MYOM3: variants seen among roughly 807,000 people sequenced by gnomAD.
The protein encoded by MYOM3 is myomesin 3.
A neutral mutation model predicts 191.7 loss-of-function variants in MYOM3; 155 were observed. The observed-to-expected ratio is 0.81, with a 90% CI of 0.71 to 0.92. The LOEUF (loss-of-function observed/expected upper bound fraction) is 0.92, where lower values mean the gene tolerates loss of function less well. Ranked by LOEUF, MYOM3 falls within the 40% of genes least tolerant of loss-of-function variation. The pLI, the probability that MYOM3 is intolerant of heterozygous loss-of-function variation, is 0.00. For synonymous variants in MYOM3, 757 were observed against 762.9 expected, an observed-to-expected ratio of 0.99 and a Z score of 0.13; for missense variants, 1,889 against 1,890.6, an observed-to-expected ratio of 1.00 and a Z score of 0.02.
chr1:24,093,858 G>A (rs750285724), intron 9 of MYOM3, among the ~76,000 whole-genome samples: 10 of 152,132 alleles, frequency 6.6e-5, no homozygotes, highest in Non-Finnish European at 1.3e-4. Flanking sequence ...AGCTGGGGGT[G>A]CCAGAGGGGC....
At chr1:24,065,401 G>A (rs758899808) in intron 29 of MYOM3, among the ~76,000 whole-genome samples, 1 of 152,154 alleles carries the variant, frequency 6.6e-6, no homozygotes, top group African/African-American at 2.4e-5. Context: ...GGAGGACTTG[G>A]GGGGAGAATT....
At position 24,063,571 on chromosome 1, in the gene MYOM3, C is replaced by G. The variant is rs772911127; in HGVS notation, c.3623-41G>C. 2.5e-6 allele frequency: 4 copies of G among 1,612,580 alleles called. No individual in the cohort carries two copies. Among genetic ancestry groups the G allele is most frequent in the South Asian group, 2.2e-5 (2 of 90,988 alleles). On this transcript the variant is annotated intron_variant, in intron 30 of 36. Coordinates refer to ENST00000374434, the MANE Select transcript of MYOM3 (RefSeq NM_152372.4). The surrounding 1 kb of genome is among the most constrained non-coding windows in gnomAD (Gnocchi z 4.5). ...GAGAAGGGTTAGCTGGCATAGGGCT[C>G]CCCTAGGGATGTGCTAGGAGTGGGG...
At chr1:24,099,630 G>C in intron 6 of MYOM3, 50 bp downstream of exon 6, 2 of 1,442,052 alleles carry the variant, frequency 1.4e-6, no homozygotes, top group African/African-American at 2.8e-5. Context: ...CTCTGGCCTC[G>C]GCGGTGGCAG....
At chr1:24,086,137 C>T (rs1643735519) in intron 15 of MYOM3, among the ~76,000 whole-genome samples, 1 of 152,044 alleles carries the variant, frequency 6.6e-6, no homozygotes, top group South Asian at 2.1e-4. Context: ...GTGATGGGGC[C>T]CTTTAGAACA....
At chr1:24,059,002 C>T (rs774075944) in intron 35 of MYOM3, 23 bp from the exon 36 acceptor site, 7 of 1,591,674 alleles carry the variant, frequency 4.4e-6, no homozygotes, top group South Asian at 2.2e-5. Flanking sequence ...TAAGAGACCC[C>T]AGCGATGAAT....
At position 24,075,370 on chromosome 1, in the gene MYOM3, T is replaced by C. The variant is rs780965814; in HGVS notation, c.2807A>G (p.Tyr936Cys). ...CCTCTGGGGGTCCAGTGGGCCCTTG[T>C]AGTCTTTGGACCACTGAAACTCTGA... The part of the protein sequence containing the change: ...DSSEFQWSKD[Y>C]KGPLDPQRVK... The change falls in exon 22 of 37, where the codon TAC becomes TGC. Residue 936 changes from tyrosine (Y) to cysteine (C), a missense_variant. Coordinates refer to ENST00000374434, the MANE Select transcript of MYOM3 (RefSeq NM_152372.4). 29 of 1,612,896 alleles carry C rather than the reference T, an allele frequency of 1.8e-5. No homozygotes were observed. Among genetic ancestry groups the C allele is most frequent in the Non-Finnish European group, 2.5e-5 (29 of 1,179,854 alleles).
At chr1:24,097,618 T>C (rs1643885422) in intron 7 of MYOM3, among the ~76,000 whole-genome samples, 1 of 152,190 alleles carries the variant, frequency 6.6e-6, no homozygotes, top group African/African-American at 2.4e-5. Context: ...TGGCACACAG[T>C]GAAGACTCAG....
intron 5 of MYOM3, among the ~76,000 whole-genome samples, chr1:24,103,990 C>G (rs993278571): frequency 2.6e-5 from 4 of 152,310 alleles, no homozygotes; most frequent in Middle Eastern, 3.4e-3. Flanking sequence ...CTCTCCTACC[C>G]TCTAGGCCAG....
chr1:24,060,971 G>A (rs1435132939), intron 35 of MYOM3, 89 bp downstream of exon 35: 5 of 1,467,176 alleles, frequency 3.4e-6, no homozygotes, highest in Non-Finnish European at 3.8e-6. Flanking sequence ...GTGGAATGAG[G>A]CCTTCAGCAG....
intron 28 of MYOM3, 176 bp downstream of exon 28, chr1:24,066,845 G>A (rs1435092803): frequency 3.5e-6 from 2 of 574,582 alleles, no homozygotes; most frequent in African/African-American, 3.8e-5. Flanking sequence ...CTGGGAAGGT[G>A]GGTTTGCTTT....
At chr1:24,083,536 T>C (rs1475200288) in intron 16 of MYOM3, 2 of 152,256 alleles carry the variant, frequency 1.3e-5, no homozygotes, top group African/African-American at 4.8e-5. Context: ...TGTGAGTCAA[T>C]AGTCCTTAAT....
chr1:24,085,953 G>A (rs1460923170), intron 15 of MYOM3, among the ~76,000 whole-genome samples: 5 of 152,130 alleles, frequency 3.3e-5, no homozygotes, highest in Non-Finnish European at 7.3e-5. Flanking sequence ...TCTTGCATAG[G>A]TGGTACTGTA....
At chr1:24,079,758 T>C (rs1377500696) in intron 20 of MYOM3, among the ~76,000 whole-genome samples, 1 of 152,198 alleles carries the variant, frequency 6.6e-6, no homozygotes, top group East Asian at 1.9e-4. Context: ...GGGATATACA[T>C]GTGCAAATGC....
chr1:24,065,434 T>G (rs905044844), intron 29 of MYOM3, among the ~76,000 whole-genome samples: 1 of 152,216 alleles, frequency 6.6e-6, no homozygotes, highest in African/African-American at 2.4e-5. Context: ...TGCTTTATTC[T>G]GCCCAGATCT....
At chr1:24,094,333 G>A (rs1643867423) in intron 9 of MYOM3, among the ~76,000 whole-genome samples, 1 of 151,932 alleles carries the variant, frequency 6.6e-6, no homozygotes, top group Non-Finnish European at 1.5e-5. Flanking sequence ...AACATGCCTG[G>A]CTAATTTTTG....
rs147449312 is a variant in MYOM3, at chr1:24,097,502, A to G, written c.745+421T>C. The stretch of plus-strand genomic sequence containing the variant: ...GCTAATTCATCCATTCAGTTCACAC[A>G]AAGGTGCCCACCATGCCAGTGATGA... On this transcript the variant is annotated intron_variant, in intron 7 of 36. Transcript: ENST00000374434. Among the ~76,000 whole-genome samples, 407 of 152,308 alleles carry G rather than the reference A, an allele frequency of 2.7e-3. 3 individuals carry two copies. Among genetic ancestry groups the G allele is most frequent in the African/African-American group, 9.5e-3 (393 of 41,566 alleles).
chr1:24,081,602 AC>A, intron 18 of MYOM3, 146 bp from the exon 19 acceptor site: 2 of 983,754 alleles, frequency 2.0e-6, no homozygotes, highest in Non-Finnish European at 1.5e-6. Flanking sequence ...TCACTTTGTC[AC>A]CCAGGCTGGA....
chr1:24,105,623 G>A (rs1643975556), intron 5 of MYOM3, among the ~76,000 whole-genome samples: 1 of 152,254 alleles, frequency 6.6e-6, no homozygotes, highest in African/African-American at 2.4e-5. Flanking sequence ...GCTGGGCGTG[G>A]TGGCTTGTGC....
Position 24,087,270 on chromosome 1 carries a change from C to T in MYOM3, c.1615-443G>A, listed in dbSNP as rs192534933. 1.8e-4 allele frequency among the ~76,000 whole-genome samples: 27 copies of T among 152,308 alleles called. No individual in the cohort carries two copies. Among genetic ancestry groups the T allele is most frequent in the Admixed American group, 1.1e-3 (17 of 15,296 alleles). ...ACCTTGATGCAGGCTGCCAGCACCC[C>T]GCACCTGAACGATCTCAATGGCCTC... On this transcript the variant is annotated intron_variant, in intron 14 of 36. Transcript: ENST00000374434. The surrounding 1 kb of genome is among the most constrained non-coding windows in gnomAD (Gnocchi z 4.5).
Sources: gnomAD v4.1 joint callset for allele counts (sites outside exome capture counted in the v4.1 genomes callset) on GRCh38, gnomAD v4.1.1 for gene constraint, Gnocchi (gnomAD v3.1) non-coding constraint, MANE v1.5 for transcripts, NCBI Gene and HGNC (gene_info 2026-07-23, HGNC 2026-07-21) for gene names.